The following DOCK6 variants were observed in gnomAD, a reference collection of about 807,000 sequenced individuals.
The protein encoded by DOCK6 is dedicator of cytokinesis 6, also known as dedicator of cytokinesis protein 6.
A neutral mutation model predicts 230.3 loss-of-function variants in DOCK6; 167 were observed. The observed-to-expected ratio is 0.73, with a 90% CI of 0.64 to 0.82. The LOEUF is 0.82. Among genes scored for constraint, DOCK6 ranks in the 40% least tolerant of loss-of-function variants. The probability of loss-of-function intolerance (pLI) is 0.00; values close to 1 mark genes in which losing one functional copy is unlikely to be tolerated. For synonymous variants in DOCK6, 1,148 were observed against 1,185.0 expected (o/e 0.97, Z 0.64); for missense variants, 2,598 against 2,825.8 (o/e 0.92, Z 1.83).
intron 1 of DOCK6, among the ~76,000 whole-genome samples, chr19:11,255,696 G>A (rs1345373180): frequency 6.6e-6 from 1 of 152,144 alleles, no homozygotes; most frequent in African/African-American, 2.4e-5. Context: ...CCCTCTCTGG[G>A]CCTTAGTCCC....
At chr19:11,216,772 C>G (rs2079494887) in intron 30 of DOCK6, 142 bp downstream of exon 30, 5 of 833,840 alleles carry the variant, frequency 6.0e-6, no homozygotes, top group Middle Eastern at 3.4e-4. Context: ...AGCACAGAAA[C>G]AGTCCACCCC....
chr19:11,225,790 G>T (rs2079654522), intron 24 of DOCK6, among the ~76,000 whole-genome samples: 1 of 151,232 alleles, frequency 6.6e-6, no homozygotes, highest in African/African-American at 2.4e-5. Flanking sequence ...CGGCACTTTG[G>T]GAAGCCAAAG....
chr19:11,251,987 A>T, intron 5 of DOCK6, 132 bp downstream of exon 5: 1 of 1,341,246 alleles, frequency 7.5e-7, no homozygotes, highest in Non-Finnish European at 1.0e-6. Context: ...CTAACTTTTT[A>T]CTCATGGGGA....
At position 11,215,457 on chromosome 19, in the gene DOCK6, C is replaced by T. The variant is rs770262596; in HGVS notation, c.4036G>A (p.Gly1346Arg). The T allele has an allele frequency of 1.2e-6, 2 of 1,612,658 alleles. No individual in the cohort carries two copies. Among genetic ancestry groups the T allele is most frequent in the South Asian group, 1.1e-5 (1 of 91,022 alleles). The change falls in exon 32 of 48, where the codon GGG (glycine) becomes AGG (arginine). Residue 1346 changes from glycine (G) to arginine (R), a missense_variant. Coordinates refer to ENST00000294618, the MANE Select transcript of DOCK6 (RefSeq NM_020812.4). ...CGCCAGCGCACATTCTCCGGATTCC[C>T]AAACGGGCTCCTCTCTGAGACGCGT... ...VRRSRERSPFGNPENVRWRKS... is the reference protein window; with the variant it reads ...VRRSRERSPFRNPENVRWRKS...
chr19:11,246,067 G>T (rs1485102872), intron 7 of DOCK6, among the ~76,000 whole-genome samples, 189 bp from the exon 8 acceptor site: 1 of 151,184 alleles, frequency 6.6e-6, no homozygotes, highest in African/African-American at 2.4e-5. Flanking sequence ...GAAGTTTTTT[G>T]TTGGTTTTTT....
chr19:11,214,105 G>T (rs560507530), intron 34 of DOCK6, among the ~76,000 whole-genome samples, 170 bp downstream of exon 34: 5 of 151,632 alleles, frequency 3.3e-5, no homozygotes, highest in Admixed American at 2.0e-4. Context: ...TAATTTTTTT[G>T]TAGAGACAGG....
chr19:11,201,838 C>G lies in DOCK6; in HGVS notation c.5688+51G>C. The G allele has an allele frequency of 1.3e-5, 13 of 964,954 alleles. No homozygotes were observed. Among genetic ancestry groups the G allele is most frequent in the Non-Finnish European group, 2.0e-5 (13 of 649,990 alleles). 59.8% of individuals were successfully genotyped at this position (964,954 alleles called of 1,614,324 possible). A position where few individuals can be genotyped will look rare whatever the true frequency, so the allele number is the denominator to read the frequency against. ...CTACCCTCCCCTCCCCTCCCAGGGT[C>G]TGATGTCCCCTCACCTCCCCACCCC... On this transcript the variant is annotated intron_variant, in intron 44 of 47. Coordinates refer to ENST00000294618, the MANE Select transcript of DOCK6 (RefSeq NM_020812.4). This position sits in a 1 kb window ranked among gnomAD's most constrained non-coding sequence, Gnocchi z 4.3.
intron 9 of DOCK6, 52 bp downstream of exon 9, chr19:11,245,511 T>G: frequency 6.7e-7 from 1 of 1,500,006 alleles, no homozygotes; most frequent in Non-Finnish European, 9.1e-7. Context: ...AGGCAGGGAC[T>G]AAATCAGTGA....
chr19:11,243,518 TTTAGCCCCGCCCCAAGCCTG>T lies in DOCK6; in HGVS notation c.1258+19_1258+38del. The stretch of plus-strand genomic sequence containing the variant: ...CGCCCCAGGCCTGTCAGCACCACCC[TTTAGCCCCGCCCCAAGCCTG>T]TTAGCCCCGCCTCCTCACCGCCCTC... On this transcript the variant is annotated intron_variant, in intron 11 of 47. Transcript: ENST00000294618. This position sits in a 1 kb window ranked among gnomAD's most constrained non-coding sequence, Gnocchi z 6.3. The T allele has an allele frequency of 1.3e-6, 2 of 1,539,798 alleles. No individual in the cohort carries two copies. Among genetic ancestry groups the T allele is most frequent in the Non-Finnish European group, 1.8e-6 (2 of 1,141,678 alleles).
chr19:11,224,629 C>T (rs1342397100), intron 24 of DOCK6, among the ~76,000 whole-genome samples: 1 of 152,176 alleles, frequency 6.6e-6, no homozygotes, highest in African/African-American at 2.4e-5. Context: ...AGTGCAAAGG[C>T]CCTGAGGCAG....
chr19:11,213,122 C>T (rs2147750455), intron 35 of DOCK6, 54 bp downstream of exon 35: 1 of 1,577,510 alleles, frequency 6.3e-7, no homozygotes, highest in South Asian at 1.1e-5. Context: ...TGAGACCCCA[C>T]TGGCCACCCT....
Position 11,199,492 on chromosome 19 carries a change from TG to T in DOCK6, c.*4del. The T allele has an allele frequency of 6.3e-7, 1 of 1,580,818 alleles. No homozygotes were observed. Among genetic ancestry groups the T allele is most frequent in the South Asian group, 1.2e-5 (1 of 85,962 alleles). ...CCTCTAGGTACAGCTTTGGTCCTTG[TG>T]GGCTCAGAGGTCTGCCTTTCGGAAA... On this transcript the variant is annotated 3_prime_UTR_variant, in exon 48 of 48. Coordinates refer to ENST00000294618, the MANE Select transcript of DOCK6 (RefSeq NM_020812.4).
chr19:11,205,135 G>A (rs1267324445), intron 39 of DOCK6, among the ~76,000 whole-genome samples: 1 of 152,182 alleles, frequency 6.6e-6, no homozygotes, highest in Non-Finnish European at 1.5e-5. Context: ...ATCCTGTGAG[G>A]TTTGCTGACT....
Position 11,262,516 on chromosome 19 carries a change from G to T in DOCK6, c.-76C>A, listed in dbSNP as rs2080309092. The T allele has an allele frequency of 2.2e-6, 2 of 920,524 alleles. No individual in the cohort carries two copies. Among genetic ancestry groups the T allele is most frequent in the Non-Finnish European group, 2.6e-6 (2 of 772,130 alleles). 57.0% of individuals were successfully genotyped at this position (920,524 alleles called of 1,614,324 possible). On this transcript the variant is annotated 5_prime_UTR_variant, in exon 1 of 48. Coordinates refer to ENST00000294618, the MANE Select transcript of DOCK6 (RefSeq NM_020812.4). ...GCCGCCTCCCGGTTCTGGGCAGCCG[G>T]GGCGGGGCGGGGCCGGCGCGGGGGC... is the stretch of plus-strand genomic sequence containing the variant.
chr19:11,238,499 G>A, intron 14 of DOCK6, 195 bp from the exon 15 acceptor site: 3 of 591,750 alleles, frequency 5.1e-6, no homozygotes, highest in Non-Finnish European at 9.1e-6. Context: ...CAGAGGGTGG[G>A]GGACAAGCGA....
At chr19:11,227,786 A>G (rs2079692936) in intron 23 of DOCK6, among the ~76,000 whole-genome samples, 1 of 151,572 alleles carries the variant, frequency 6.6e-6, no homozygotes, top group African/African-American at 2.4e-5. Flanking sequence ...TCCCAGGCAA[A>G]GTGTAGAGAG....
intron 35 of DOCK6, 48 bp from the exon 36 acceptor site, chr19:11,212,199 G>A (rs1252244087): frequency 6.3e-7 from 1 of 1,582,598 alleles, no homozygotes; most frequent in Non-Finnish European, 8.5e-7. Flanking sequence ...TCAGACCCCA[G>A]ACCCCACATC....
chr19:11,233,260 G>T lies in DOCK6; in HGVS notation c.2661C>A (p.Asp887Glu), dbSNP rs1158153926. Residue 887 changes from aspartate to glutamate, a missense_variant, in exon 22 of 48, where the codon GAC (aspartate) becomes GAA (glutamate). Physicochemically the swap from Asp to Glu is conservative, Grantham distance 45. Coordinates refer to ENST00000294618, the MANE Select transcript of DOCK6 (RefSeq NM_020812.4). ...CCACAGAGCCAGGGGCCACGGCGAG[G>T]TCAGGGTTGCTGCTGCTGATGCTCT... is the stretch of plus-strand genomic sequence containing the variant. ...RSKSISSSNP[D>E]LAVAPGSVDD... 6 of 1,613,790 alleles carry T rather than the reference G, an allele frequency of 3.7e-6. No individual in the cohort carries two copies. Among genetic ancestry groups the T allele is most frequent in the Non-Finnish European group, 5.1e-6 (6 of 1,179,882 alleles).
In DOCK6 at chr19:11,251,033, A is replaced by G. The variant is rs1477990560; in HGVS notation, c.561T>C (p.Gly187=). ...GSPEDTPRSS[G]ASSIFDLRNL... is the part of the protein sequence containing the mutation. ...TCCTCAGGTCGAAGATGCTAGAGGC[A>G]CCACTGCTTCGAGGGGTGTCTTCCG... Residue 187 remains glycine (G), a synonymous_variant, in exon 6 of 48, where the codon GGT becomes GGC. Transcript: ENST00000294618. The G allele has an allele frequency of 6.2e-7, 1 of 1,613,558 alleles. No homozygotes were observed. The highest frequency in any genetic ancestry group is 2.2e-5 in the East Asian group (1 of 44,850).
Sources: gnomAD v4.1 joint callset for allele counts (sites outside exome capture counted in the v4.1 genomes callset) on GRCh38, gnomAD v4.1.1 for gene constraint, Gnocchi (gnomAD v3.1) non-coding constraint, MANE v1.5 for transcripts, NCBI Gene and HGNC (gene_info 2026-07-23, HGNC 2026-07-21) for gene names.